Variants in TMEM120B observed in about 807,000 individuals in gnomAD.
TMEM120B encodes transmembrane protein 120B.
In TMEM120B, 31 loss-of-function variants were observed where a neutral mutation model predicts 55.5. That is an observed-to-expected ratio of 0.56 (90% CI 0.42 to 0.75). The LOEUF (loss-of-function observed/expected upper bound fraction) is 0.75. Among genes scored for constraint, TMEM120B ranks in the 30% least tolerant of loss-of-function variants. TMEM120B has a pLI of 0.00. For synonymous variants in TMEM120B, 203 were observed against 176.3 expected, an observed-to-expected ratio of 1.15 and a Z score of -1.20; for missense variants, 399 against 425.5, an observed-to-expected ratio of 0.94 and a Z score of 0.55.
intron 1 of TMEM120B, among the ~76,000 whole-genome samples, chr12:121,736,375 A>C (rs191675334): frequency 1.4e-4 from 20 of 140,228 alleles, no homozygotes; most frequent in South Asian, 9.0e-4. Context: ...TTACCATGTT[A>C]GCCAGGATTG....
At position 121,771,475 on chromosome 12, in the gene TMEM120B, A is replaced by G. The variant is rs777019390; in HGVS notation, c.618-13A>G. 1.7e-5 allele frequency: 28 copies of G among 1,612,688 alleles called. No individual in the cohort carries two copies. The Admixed American group carries it at 2.5e-4, about 14-fold the overall frequency. The stretch of plus-strand genomic sequence containing the variant: ...GTGGGCCCCACCTTTGTTTTTTCCT[A>G]CCTTCTCTCCAGGCCTAATGGACCC... On this transcript the variant is annotated splice_polypyrimidine_tract_variant and intron_variant, in intron 7 of 11. Coordinates refer to ENST00000449592, the MANE Select transcript of TMEM120B (RefSeq NM_001080825.2).
chr12:121,737,517 G>A (rs527473210), intron 1 of TMEM120B, among the ~76,000 whole-genome samples: 9 of 151,548 alleles, frequency 5.9e-5, no homozygotes, highest in African/African-American at 2.2e-4. Flanking sequence ...AAAAAAAAAA[G>A]TCACAGTTGG....
At chr12:121,755,705 G>A (rs1873457412) in intron 5 of TMEM120B, among the ~76,000 whole-genome samples, 1 of 152,160 alleles carries the variant, frequency 6.6e-6, no homozygotes, top group Non-Finnish European at 1.5e-5. Context: ...GGGAAGTGAG[G>A]CAAGAAAGCA....
intron 4 of TMEM120B, 62 bp from the exon 5 acceptor site, chr12:121,752,066 A>C: frequency 7.1e-7 from 1 of 1,417,862 alleles, no homozygotes; most frequent in Non-Finnish European, 9.9e-7. Flanking sequence ...GCTGAGGGCC[A>C]TGCCCAGGTG....
At position 121,750,434 on chromosome 12, in the gene TMEM120B, G is replaced by C. The variant is rs779399430; in HGVS notation, c.360G>C (p.Gln120His). 1.2e-6 allele frequency: 2 copies of C among 1,611,924 alleles called. No individual in the cohort carries two copies. Among genetic ancestry groups the C allele is most frequent in the Non-Finnish European group, 1.7e-6 (2 of 1,179,028 alleles). ...GNVNVTLLSN[Q>H]AKFAYKDEYE... ...TGAACGTGACCCTCCTCAGCAACCA[G>C]GCCAAGTAAGTGTCCCCCACCCACC... The change falls in exon 4 of 12, where the codon CAG (glutamine) becomes CAC (histidine). Residue 120 changes from glutamine to histidine, a missense_variant. By Grantham distance (24) the Gln-to-His change is conservative. Transcript: ENST00000449592.
intron 1 of TMEM120B, among the ~76,000 whole-genome samples, chr12:121,714,557 CTTTTTTTT>C (rs897759057): frequency 2.4e-4 from 24 of 100,194 alleles, no homozygotes; most frequent in Non-Finnish European, 4.3e-4. Flanking sequence ...TCAGCCACTT[CTTTTTTTT>C]TTTTTTTTTT....
chr12:121,780,700 G>A lies in TMEM120B; in HGVS notation c.*4978G>A, dbSNP rs1037924965. The A allele has an allele frequency of 4.5e-5, 32 of 718,464 alleles. No individual in the cohort carries two copies. The Admixed American group carries it at 6.4e-4, about 14-fold the overall frequency. The allele number at this position is 718,464 out of a possible 1,614,324, so 44.5% of individuals were successfully genotyped here. A position where few individuals can be genotyped will look rare whatever the true frequency, so the allele number is the denominator to read the frequency against. On this transcript the variant is annotated 3_prime_UTR_variant, in exon 12 of 12. Transcript: ENST00000449592. Reference sequence around the variant, plus strand: ...CGAGTCCTAAGGATTGGGAGTAGTCGTGTAAAGTGCTCAGGTCCACAGGCC... The same window carrying A: ...CGAGTCCTAAGGATTGGGAGTAGTCATGTAAAGTGCTCAGGTCCACAGGCC...
intron 5 of TMEM120B, among the ~76,000 whole-genome samples, chr12:121,753,557 C>G (rs1388876616): frequency 6.6e-6 from 1 of 150,894 alleles, no homozygotes; most frequent in Non-Finnish European, 1.5e-5. Context: ...GACAACAGAG[C>G]GAGACCTTGT....
In TMEM120B at chr12:121,763,157, C is replaced by CTTTT. The variant is rs35941086; in HGVS notation, c.551+1439_551+1442dup. ...GGTGGCCATTGGAACCTCGGCATGC[C>CTTTT]TTTTTTTTTTTTTTTTTTTTTTTGA... On this transcript the variant is annotated intron_variant, in intron 6 of 11. Transcript: ENST00000449592. Among the ~76,000 whole-genome samples the CTTTT allele has an allele frequency of 2.2e-4, 19 of 88,084 alleles. No homozygotes were observed. In the East Asian group the frequency reaches 2.4e-3, roughly 11 times the overall value. 57.8% of individuals were successfully genotyped at this position (88,084 alleles called of 152,430 possible).
At position 121,712,968 on chromosome 12, in the gene TMEM120B, G is replaced by C. The variant is rs1407004617; in HGVS notation, c.69+4G>C. 6.5e-7 allele frequency: 1 copy of C among 1,537,518 alleles called. No individual in the cohort carries two copies. The highest frequency in any genetic ancestry group is 8.7e-7 in the Non-Finnish European group (1 of 1,148,842). ...GGGAGAATTTCAAGAACTGCAGGTA[G>C]GGCCAGGCCACCTGGTCCCGCAACT... is the stretch of plus-strand genomic sequence containing the variant. On this transcript the variant is annotated splice_donor_region_variant and intron_variant, in intron 1 of 11. Transcript: ENST00000449592.
chr12:121,717,694 G>C (rs1387814074), intron 1 of TMEM120B, among the ~76,000 whole-genome samples: 3 of 152,176 alleles, frequency 2.0e-5, no homozygotes, highest in African/African-American at 7.2e-5. Context: ...GTCTCGCTCT[G>C]TTGCCCAGGC....
chr12:121,772,222 G>T (rs1169141314), intron 8 of TMEM120B, among the ~76,000 whole-genome samples: 1 of 151,528 alleles, frequency 6.6e-6, no homozygotes, highest in Non-Finnish European at 1.5e-5. Flanking sequence ...TCCGCCTCCT[G>T]GGTTCAAACG....
intron 4 of TMEM120B, among the ~76,000 whole-genome samples, chr12:121,751,614 G>T (rs7978536): frequency 1.2e-4 from 18 of 151,366 alleles, no homozygotes; most frequent in African/African-American, 4.4e-4. Context: ...ACCTGGGAGA[G>T]GGTTGGTTCC....
In TMEM120B at chr12:121,776,077, T is replaced by C. The variant is rs1021784195; in HGVS notation, c.*355T>C. The C allele has an allele frequency of 3.6e-6, 2 of 548,420 alleles. No individual in the cohort carries two copies. Among genetic ancestry groups the C allele is most frequent in the Non-Finnish European group, 6.4e-6 (2 of 311,978 alleles). The allele number at this position is 548,420 out of a possible 1,614,324, so 34.0% of individuals were successfully genotyped here. ...TGAACCCCTCTGGGTGGGGTTTGGA[T>C]GTGCCTCGCGGGGTTGGATTTATGC... On this transcript the variant is annotated 3_prime_UTR_variant, in exon 12 of 12. Transcript: ENST00000449592.
chr12:121,748,463 C>T, intron 3 of TMEM120B, 21 bp downstream of exon 3: 1 of 1,532,604 alleles, frequency 6.5e-7, no homozygotes, highest in Non-Finnish European at 9.0e-7. Context: ...GCAACCTCCC[C>T]ACCCCTAGCA....
intron 6 of TMEM120B, 61 bp downstream of exon 6, chr12:121,761,799 G>A (rs1205901939): frequency 1.5e-6 from 2 of 1,358,236 alleles, no homozygotes; most frequent in East Asian, 4.6e-5. Context: ...TGTCACGAGG[G>A]GCGTCAGATG....
chr12:121,723,025 T>G (rs1894825474), intron 1 of TMEM120B, among the ~76,000 whole-genome samples: 1 of 151,928 alleles, frequency 6.6e-6, no homozygotes, highest in African/African-American at 2.4e-5. Context: ...ATTTTGTATT[T>G]GTAGTAGAGA....
intron 5 of TMEM120B, among the ~76,000 whole-genome samples, chr12:121,754,821 A>G (rs753159606): frequency 7.2e-5 from 11 of 152,192 alleles, no homozygotes; most frequent in Non-Finnish European, 1.3e-4. Context: ...TACACCTTCT[A>G]TAGGCTAAAA....
At chr12:121,773,654 TC>T (rs1874138094) in intron 9 of TMEM120B, 141 bp downstream of exon 9, 1 of 618,256 alleles carries the variant, frequency 1.6e-6, no homozygotes, top group Non-Finnish European at 2.6e-6. Context: ...CCAGAATTCA[TC>T]CTGGATTCTG....
Sources: allele counts gnomAD v4.1 joint callset (sites outside exome capture counted in the v4.1 genomes callset), GRCh38; gene constraint gnomAD v4.1.1; transcripts MANE v1.5; gene names NCBI Gene and HGNC (gene_info 2026-07-23, HGNC 2026-07-21).